The following GRIK4 variants were observed in gnomAD, a reference collection of about 807,000 sequenced individuals.
GRIK4 encodes the protein glutamate receptor ionotropic, kainate 4.
GRIK4 carries 40 observed loss-of-function variants against 104.9 expected under a neutral mutation model. That is an observed-to-expected ratio of 0.38 (90% CI 0.30 to 0.50). The LOEUF (loss-of-function observed/expected upper bound fraction) is 0.50, where lower values mean the gene tolerates loss of function less well. Among genes scored for constraint, GRIK4 ranks in the 20% least tolerant of loss-of-function variants. GRIK4 has a pLI of 0.93. For missense variants in GRIK4, 1,047 were observed against 1,308.1 expected (o/e 0.80, Z 3.08); for synonymous variants, 485 against 524.9 (o/e 0.92, Z 1.04).
chr11:120,515,843 G>A (rs1947718990), intron 1 of GRIK4, among the ~76,000 whole-genome samples: 1 of 152,202 alleles, frequency 6.6e-6, no homozygotes, highest in Non-Finnish European at 1.5e-5. Flanking sequence ...ATTATGGGAA[G>A]GAAGGAAGGA....
intron 3 of GRIK4, among the ~76,000 whole-genome samples, chr11:120,719,225 T>G (rs746068554): frequency 2.7e-4 from 41 of 152,206 alleles, no homozygotes; most frequent in Non-Finnish European, 4.3e-4. Context: ...GGTGAGTCCT[T>G]CATTAAAAAT....
chr11:120,917,711 G>C (rs567221761), intron 13 of GRIK4, among the ~76,000 whole-genome samples: 3 of 152,302 alleles, frequency 2.0e-5, no homozygotes, highest in South Asian at 2.1e-4. Flanking sequence ...TTGCCCGGGG[G>C]GATCTGGAAG....
At chr11:120,738,360 G>A (rs1951264181) in intron 3 of GRIK4, among the ~76,000 whole-genome samples, 1 of 152,184 alleles carries the variant, frequency 6.6e-6, no homozygotes, top group Non-Finnish European at 1.5e-5. Flanking sequence ...TGAGATGGAG[G>A]CAATAGTTTC....
At chr11:120,731,840 A>G (rs1009072029) in intron 3 of GRIK4, among the ~76,000 whole-genome samples, 1 of 152,176 alleles carries the variant, frequency 6.6e-6, no homozygotes, top group African/African-American at 2.4e-5. Flanking sequence ...ATTTATTGGT[A>G]TATAGTTGCT....
chr11:120,887,178 G>A (rs953664063), intron 11 of GRIK4, among the ~76,000 whole-genome samples: 9 of 151,788 alleles, frequency 5.9e-5, no homozygotes, highest in African/African-American at 1.5e-4. Flanking sequence ...CCTTCATTTC[G>A]TTCAGCTCAG....
intron 1 of GRIK4, among the ~76,000 whole-genome samples, chr11:120,626,737 C>T (rs377105230): frequency 1.3e-4 from 20 of 152,296 alleles, no homozygotes; most frequent in East Asian, 1.2e-3. Context: ...GTGCACTCAT[C>T]GCTCTGGACA....
intron 3 of GRIK4, among the ~76,000 whole-genome samples, chr11:120,690,773 A>G (rs1320768234): frequency 6.6e-6 from 1 of 152,202 alleles, no homozygotes; most frequent in Non-Finnish European, 1.5e-5. Context: ...CCTAAGGCCC[A>G]GATTTAACTT....
chr11:120,745,917 A>G (rs1338028303), intron 3 of GRIK4, among the ~76,000 whole-genome samples: 2 of 152,212 alleles, frequency 1.3e-5, no homozygotes, highest in African/African-American at 4.8e-5. Context: ...AGCAGCTACC[A>G]TAGAGCACTG....
intron 3 of GRIK4, among the ~76,000 whole-genome samples, chr11:120,773,508 C>T (rs555661765): frequency 2.6e-5 from 4 of 152,138 alleles, no homozygotes; most frequent in African/African-American, 7.2e-5. Flanking sequence ...AAGTGGTAAG[C>T]GTGCGAATGG....
intron 1 of GRIK4, among the ~76,000 whole-genome samples, chr11:120,617,927 CG>C (rs1286375022): frequency 6.6e-6 from 1 of 152,026 alleles, no homozygotes; most frequent in Non-Finnish European, 1.5e-5. Flanking sequence ...AAATTGGTAT[CG>C]GGAGTGGGGT....
At chr11:120,733,577 C>CACAA (rs112833334) in intron 3 of GRIK4, among the ~76,000 whole-genome samples, 113,164 of 151,418 alleles carry the variant, frequency 0.75, 42,661 homozygotes, top group Middle Eastern at 0.85. Flanking sequence ...ACACTGAATG[C>CACAA]ACAAACTAAC....
intron 8 of GRIK4, among the ~76,000 whole-genome samples, chr11:120,844,482 C>A (rs1302254760): frequency 2.0e-5 from 3 of 152,210 alleles, no homozygotes; most frequent in Non-Finnish European, 4.4e-5. Flanking sequence ...ACATAGTAGG[C>A]ACTCAATAAA....
chr11:120,660,933 G>C (rs1240826994), intron 3 of GRIK4, among the ~76,000 whole-genome samples: 1 of 152,176 alleles, frequency 6.6e-6, no homozygotes, highest in African/African-American at 2.4e-5. Flanking sequence ...TCTCTCCCTT[G>C]CCTTGTTGCT....
chr11:120,962,897 A>C lies in GRIK4; in HGVS notation c.2266+216A>C, dbSNP rs1944316707. On this transcript the variant is annotated intron_variant, in intron 18 of 20. Coordinates refer to ENST00000527524, the MANE Select transcript of GRIK4 (RefSeq NM_014619.5). ...ACCAGTGCTCAATCCTTAATTATTA[A>C]AGAGCTAGTTGATTAGTTACTGATT... 4 of 462,182 alleles carry C rather than the reference A, an allele frequency of 8.7e-6. No homozygotes were observed. In the South Asian group the frequency reaches 1.7e-4, roughly 20 times the overall value. The allele number at this position is 462,182 out of a possible 1,614,324, so 28.6% of individuals were successfully genotyped here. A position where few individuals can be genotyped will look rare whatever the true frequency, so the allele number is the denominator to read the frequency against.
In GRIK4 at chr11:120,966,373, A is replaced by T. The variant is rs140828619; in HGVS notation, c.2267-822A>T. Among the ~76,000 whole-genome samples the T allele has an allele frequency of 1.2e-3, 186 of 152,180 alleles. 1 individual carries two copies. The highest frequency in any genetic ancestry group is 1.9e-3 in the South Asian group (9 of 4,816). On this transcript the variant is annotated intron_variant, in intron 18 of 20. Transcript: ENST00000527524. ...GTTACAAGTGCCTAAGAAATTAATT[A>T]ATTTATTTATTTTTGAAACGGAGTC... is the stretch of plus-strand genomic sequence containing the variant.
At chr11:120,642,789 A>G (rs1949487078) in intron 1 of GRIK4, among the ~76,000 whole-genome samples, 1 of 151,786 alleles carries the variant, frequency 6.6e-6, no homozygotes, top group South Asian at 2.1e-4. Context: ...CCTCCTCCTC[A>G]CCTCATCTGT....
chr11:120,973,203 T>G (rs1326422504), intron 19 of GRIK4, among the ~76,000 whole-genome samples: 7 of 152,206 alleles, frequency 4.6e-5, no homozygotes, highest in African/African-American at 1.4e-4. Flanking sequence ...GTTGTTGGCC[T>G]TGGAAACAGT....
intron 3 of GRIK4, among the ~76,000 whole-genome samples, chr11:120,710,997 T>TGAG (rs1676925024): frequency 8.0e-6 from 1 of 124,864 alleles, no homozygotes; most frequent in Non-Finnish European, 1.6e-5. Context: ...CCCTGTGAGG[T>TGAG]GGGGAGGGGG....
chr11:120,907,544 T>C (rs978791567), intron 13 of GRIK4, among the ~76,000 whole-genome samples: 2 of 152,174 alleles, frequency 1.3e-5, no homozygotes, highest in African/African-American at 4.8e-5. Context: ...CAATAAATAT[T>C]TATTGAACAT....
Sources: allele counts gnomAD v4.1 joint callset (sites outside exome capture counted in the v4.1 genomes callset), GRCh38; gene constraint gnomAD v4.1.1; transcripts MANE v1.5; gene names NCBI Gene and HGNC (gene_info 2026-07-23, HGNC 2026-07-21).